Variants in MARCHF1 observed in about 807,000 individuals in gnomAD.
MARCHF1 encodes membrane associated ring-CH-type finger 1, also known as E3 ubiquitin-protein ligase MARCHF1.
Under a neutral mutation model 54.2 loss-of-function variants are expected in MARCHF1, and 40 were observed. The ratio of observed to expected loss-of-function variants is 0.74; its 90% CI spans 0.57 to 0.96. MARCHF1 has a LOEUF of 0.96. Among genes scored for constraint, MARCHF1 ranks in the 40% least tolerant of loss-of-function variants. MARCHF1 has a pLI of 0.00. For synonymous variants in MARCHF1, 236 were observed against 236.3 expected, an observed-to-expected ratio of 1.00 and a Z score of 0.01; for missense variants, 586 against 656.5, an observed-to-expected ratio of 0.89 and a Z score of 1.17.
At chr4:164,086,166 T>C (rs1048619304) in intron 2 of MARCHF1, among the ~76,000 whole-genome samples, 9 of 152,020 alleles carry the variant, frequency 5.9e-5, no homozygotes, top group Admixed American at 5.9e-4. Context: ...ACTTTTTCCC[T>C]CTAAGTAGGC....
At chr4:164,042,419 A>G (rs1754148268) in intron 2 of MARCHF1, among the ~76,000 whole-genome samples, 1 of 152,164 alleles carries the variant, frequency 6.6e-6, no homozygotes. Context: ...TTATGGCAGC[A>G]AAAGGGAGAG....
chr4:163,946,836 A>G (rs563496281), intron 3 of MARCHF1, among the ~76,000 whole-genome samples: 1 of 152,332 alleles, frequency 6.6e-6, no homozygotes, highest in African/African-American at 2.4e-5. Flanking sequence ...CCATGGATGG[A>G]CTTGCATTAT....
intron 3 of MARCHF1, among the ~76,000 whole-genome samples, chr4:163,950,764 T>C (rs1752119560): frequency 6.6e-6 from 1 of 152,232 alleles, no homozygotes; most frequent in South Asian, 2.1e-4. Flanking sequence ...AATGTTAACT[T>C]AGGGAGATCA....
intron 1 of MARCHF1, among the ~76,000 whole-genome samples, chr4:164,302,743 C>T (rs1440566666): frequency 2.6e-5 from 4 of 151,918 alleles, no homozygotes; most frequent in Admixed American, 2.6e-4. Flanking sequence ...GTGGCCCATG[C>T]CTGTAATCCC....
chr4:163,897,935 C>A lies in MARCHF1; in HGVS notation c.-38-43766G>T, dbSNP rs1013553753. Among the ~76,000 whole-genome samples the A allele has an allele frequency of 4.0e-5, 6 of 151,446 alleles. No homozygotes were observed. In the East Asian group the frequency reaches 1.2e-3, roughly 29 times the overall value. On this transcript the variant is annotated intron_variant, in intron 3 of 9. Transcript: ENST00000514618. ...AATTAGCCAGGCATGGTGGCGGGCGCCTGTAGTCCCAGCTACTTGGGAGGC... is the reference window on the plus strand; with the variant it reads ...AATTAGCCAGGCATGGTGGCGGGCGACTGTAGTCCCAGCTACTTGGGAGGC...
At chr4:164,241,420 C>T (rs1164137390) in intron 1 of MARCHF1, among the ~76,000 whole-genome samples, 1 of 152,104 alleles carries the variant, frequency 6.6e-6, no homozygotes, top group Admixed American at 6.5e-5. Flanking sequence ...CATAATTGTC[C>T]TGAGTTCACA....
At chr4:164,122,785 C>T (rs2110781626) in intron 1 of MARCHF1, among the ~76,000 whole-genome samples, 1 of 152,132 alleles carries the variant, frequency 6.6e-6, no homozygotes, top group Admixed American at 6.6e-5. Flanking sequence ...CCATATACCC[C>T]AGACAACATA....
intron 2 of MARCHF1, among the ~76,000 whole-genome samples, chr4:164,014,433 A>G (rs1376786849): frequency 1.3e-5 from 2 of 152,152 alleles, no homozygotes; most frequent in African/African-American, 4.8e-5. Context: ...AAATAACAAC[A>G]TATTACAGGA....
chr4:164,242,133 A>C (rs1464621958), intron 1 of MARCHF1, among the ~76,000 whole-genome samples: 11 of 151,850 alleles, frequency 7.2e-5, no homozygotes, highest in Non-Finnish European at 1.5e-4. Context: ...ACCACAGCTC[A>C]AGGAGGCCTG....
At chr4:164,041,042 T>C (rs992447762) in intron 2 of MARCHF1, among the ~76,000 whole-genome samples, 3 of 152,096 alleles carry the variant, frequency 2.0e-5, no homozygotes, top group Admixed American at 2.0e-4. Context: ...TTAAACCTTA[T>C]ATGTAATTAT....
rs1250279830 is a variant in MARCHF1, at chr4:163,612,430, A to G, written c.851T>C (p.Ile284Thr). Residue 284 changes from isoleucine (I) to threonine (T), a missense_variant, in exon 7 of 10, where the codon ATA becomes ACA. Coordinates refer to ENST00000514618, the MANE Select transcript of MARCHF1 (RefSeq NM_001394959.1). Reference protein sequence around the residue: ...QLLQSLRKNEIMKKTFSETDS... With the variant: ...QLLQSLRKNETMKKTFSETDS... ...TGTTTCTGAAAATGTCTTCTTCATTATTTCATTTTTCCTAAGACTTTGCAA... is the reference window on the plus strand; with the variant it reads ...TGTTTCTGAAAATGTCTTCTTCATTGTTTCATTTTTCCTAAGACTTTGCAA... 2 of 1,535,294 alleles carry G rather than the reference A, an allele frequency of 1.3e-6. No homozygotes were observed. The highest frequency in any genetic ancestry group is 2.0e-5 in the Admixed American group (1 of 50,946).
intron 3 of MARCHF1, among the ~76,000 whole-genome samples, chr4:163,860,266 T>C (rs1289443692): frequency 6.6e-6 from 1 of 152,128 alleles, no homozygotes; most frequent in Admixed American, 6.6e-5. Flanking sequence ...AGGGATTAGA[T>C]TGAAAGTGAG....
intron 2 of MARCHF1, among the ~76,000 whole-genome samples, chr4:164,070,640 A>T (rs1487090072): frequency 1.3e-5 from 2 of 152,156 alleles, no homozygotes; most frequent in African/African-American, 4.8e-5. Context: ...TCAACCTATA[A>T]TTCTATAGGT....
chr4:163,889,864 A>T (rs1322476019), intron 3 of MARCHF1, among the ~76,000 whole-genome samples: 1 of 151,624 alleles, frequency 6.6e-6, no homozygotes, highest in African/African-American at 2.4e-5. Flanking sequence ...TAAAAAAAAA[A>T]AATCTCAATA....
intron 3 of MARCHF1, among the ~76,000 whole-genome samples, chr4:163,877,930 A>G (rs533278756): frequency 6.4e-4 from 98 of 152,316 alleles, no homozygotes; most frequent in African/African-American, 2.3e-3. Flanking sequence ...GGGTGAAAGC[A>G]TGCAAACATG....
intron 1 of MARCHF1, among the ~76,000 whole-genome samples, chr4:164,368,045 T>TA (rs1264525693): frequency 9.5e-6 from 1 of 105,510 alleles, no homozygotes; most frequent in Non-Finnish European, 2.1e-5. Flanking sequence ...AAAAAAAGAT[T>TA]TAAAAAAAGA....
intron 2 of MARCHF1, among the ~76,000 whole-genome samples, chr4:164,035,723 G>C (rs979812970): frequency 3.3e-5 from 5 of 151,068 alleles, no homozygotes; most frequent in African/African-American, 2.4e-5. Context: ...ATCAAATGTA[G>C]TAGATTTCCT....
intron 5 of MARCHF1, among the ~76,000 whole-genome samples, chr4:163,631,089 G>A (rs1396387831): frequency 6.6e-6 from 1 of 152,150 alleles, no homozygotes; most frequent in African/African-American, 2.4e-5. Context: ...ACTTTGCTAA[G>A]TTGGTTTTCA....
At chr4:164,068,557 C>T (rs1339021711) in intron 2 of MARCHF1, among the ~76,000 whole-genome samples, 2 of 152,184 alleles carry the variant, frequency 1.3e-5, no homozygotes, top group African/African-American at 4.8e-5. Flanking sequence ...AGCTGCTGTG[C>T]TAGACTTCTC....
Sources: gnomAD v4.1 joint callset for allele counts (sites outside exome capture counted in the v4.1 genomes callset) on GRCh38, gnomAD v4.1.1 for gene constraint, MANE v1.5 for transcripts, NCBI Gene and HGNC (gene_info 2026-07-23, HGNC 2026-07-21) for gene names.